VPS13B: variants seen among roughly 807,000 people sequenced by gnomAD.
The protein encoded by VPS13B is intermembrane lipid transfer protein VPS13B.
VPS13B carries 285 observed loss-of-function variants against 426.4 expected under a neutral mutation model. The ratio of observed to expected loss-of-function variants is 0.67; its 90% CI spans 0.61 to 0.74. The LOEUF (loss-of-function observed/expected upper bound fraction) is 0.74, where lower values mean the gene tolerates loss of function less well. Ranked by LOEUF, VPS13B falls within the 30% of genes least tolerant of loss-of-function variation. The pLI is 0.00. For synonymous variants in VPS13B, 1,676 were observed against 1,676.4 expected (o/e 1.00, Z 0.01); for missense variants, 4,537 against 4,782.6 (o/e 0.95, Z 1.51).
At chr8:99,599,257 G>A (rs542934004) in intron 33 of VPS13B, among the ~76,000 whole-genome samples, 5 of 151,852 alleles carry the variant, frequency 3.3e-5, no homozygotes, top group East Asian at 1.9e-4. Context: ...CTGTCTCCCC[G>A]GGCCTCTCCC....
At chr8:99,109,773 T>C (rs184959925) in intron 5 of VPS13B, among the ~76,000 whole-genome samples, 1 of 152,208 alleles carries the variant, frequency 6.6e-6, no homozygotes, top group African/African-American at 2.4e-5. Flanking sequence ...CTTTATAAAC[T>C]GTATAACAAT....
At chr8:99,634,545 T>A (rs1269579335) in intron 33 of VPS13B, among the ~76,000 whole-genome samples, 1 of 152,072 alleles carries the variant, frequency 6.6e-6, no homozygotes, top group Admixed American at 6.6e-5. Flanking sequence ...TTCTGCTCTT[T>A]TGCATAATTA....
At chr8:99,748,722 T>C (rs1219106362) in intron 39 of VPS13B, among the ~76,000 whole-genome samples, 4 of 152,054 alleles carry the variant, frequency 2.6e-5, no homozygotes, top group Non-Finnish European at 4.4e-5. Flanking sequence ...AGTGTTGAAG[T>C]GGTCATTTAA....
At chr8:99,386,055 G>A (rs1335317884) in intron 20 of VPS13B, among the ~76,000 whole-genome samples, 1 of 152,158 alleles carries the variant, frequency 6.6e-6, no homozygotes, top group African/African-American at 2.4e-5. Flanking sequence ...GTTTACTCTA[G>A]CAGAATATAG....
In VPS13B at chr8:99,013,902, C is replaced by T. The variant is rs768496696; in HGVS notation, c.114C>T (p.Ser38=). ...TATGGGGTGGAGACGTGGTACTCAGCAAGCTCGAGTTAAAGTTGGATGTGC... is the reference window on the plus strand; with the variant it reads ...TATGGGGTGGAGACGTGGTACTCAGTAAGCTCGAGTTAAAGTTGGATGTGC... The part of the protein sequence containing the change: ...LSLWGGDVVL[S]KLELKLDVLE... The change falls in exon 2 of 62, where the codon AGC becomes AGT. Residue 38 remains serine, a synonymous_variant. Transcript: ENST00000357162. 2.5e-6 allele frequency: 4 copies of T among 1,614,128 alleles called. No individual in the cohort carries two copies. The highest frequency in any genetic ancestry group is 3.4e-6 in the Non-Finnish European group (4 of 1,180,032).
rs1246449934 is a variant in VPS13B, at chr8:99,136,646, T to C, written c.1564-19T>C. The C allele has an allele frequency of 1.2e-6, 2 of 1,613,160 alleles. No homozygotes were observed. The highest frequency in any genetic ancestry group is 1.7e-5 in the Admixed American group (1 of 60,022). On this transcript the variant is annotated intron_variant, in intron 11 of 61. Transcript: ENST00000357162. The stretch of plus-strand genomic sequence containing the variant: ...TCTTTTATACAATGTTTATTCTGTT[T>C]GCATTGCTTTGTTGGCAGGAGACAT...
intron 15 of VPS13B, among the ~76,000 whole-genome samples, chr8:99,162,729 TA>T (rs1188741870): frequency 6.6e-6 from 1 of 152,178 alleles, no homozygotes; most frequent in Non-Finnish European, 1.5e-5. Context: ...TTACAGCTCA[TA>T]AAAGCAGCGT....
chr8:99,661,747 A>G (rs1438085306), intron 35 of VPS13B, among the ~76,000 whole-genome samples: 1 of 152,102 alleles, frequency 6.6e-6, no homozygotes, highest in African/African-American at 2.4e-5. Flanking sequence ...AAGCCCCAAT[A>G]TTTTATTTCT....
rs561344809 is a variant in VPS13B at position 99,241,158 on chromosome 8, A to C, written c.2516-33040A>C. 3 of 152,344 alleles carry C rather than the reference A, an allele frequency of 2.0e-5. No individual in the cohort carries two copies. In the East Asian group the frequency reaches 5.8e-4, roughly 29 times the overall value. 9.4% of individuals were successfully genotyped at this position (152,344 alleles called of 1,614,324 possible). ...ACCAAATAAAGTCTAATCTTTTTAT[A>C]TGTACTTTGTGTCAAAGTTATGAAG... On this transcript the variant is annotated intron_variant, in intron 17 of 61. Transcript: ENST00000357162.
chr8:99,202,456 T>G (rs149988566), intron 17 of VPS13B, among the ~76,000 whole-genome samples: 111 of 152,230 alleles, frequency 7.3e-4, no homozygotes, highest in African/African-American at 2.5e-3. Context: ...CTAGAAGAAA[T>G]GGGTAAATTC....
intron 19 of VPS13B, among the ~76,000 whole-genome samples, chr8:99,365,972 T>TG (rs1491585320): frequency 7.0e-6 from 1 of 143,076 alleles, no homozygotes; most frequent in Non-Finnish European, 1.5e-5. Context: ...TTTTTTGTTG[T>TG]TTTTTTTTTT....
chr8:99,050,237 A>G (rs1250737928), intron 3 of VPS13B, among the ~76,000 whole-genome samples: 1 of 150,498 alleles, frequency 6.6e-6, no homozygotes, highest in Non-Finnish European at 1.5e-5. Flanking sequence ...TCCTGTGTCT[A>G]TGTGTGCTCA....
intron 30 of VPS13B, among the ~76,000 whole-genome samples, chr8:99,527,278 C>T (rs1438064825): frequency 6.6e-6 from 1 of 152,014 alleles, no homozygotes; most frequent in Non-Finnish European, 1.5e-5. Flanking sequence ...TGTTAACTAA[C>T]ACCTTATATG....
chr8:99,103,128 A>G lies in VPS13B; in HGVS notation c.580+8A>G, dbSNP rs1169509171. 1 of 1,613,582 alleles carries G rather than the reference A, an allele frequency of 6.2e-7. No individual in the cohort carries two copies. Among genetic ancestry groups the G allele is most frequent in the Non-Finnish European group, 8.5e-7 (1 of 1,179,606 alleles). On this transcript the variant is annotated splice_region_variant and intron_variant, in intron 5 of 61. Transcript: ENST00000357162. Reference sequence around the variant, plus strand: ...CATTCATGGATATTTCTGGTGAGTAAATATGGAGAATACCGTATATTTTTC... The same window carrying G: ...CATTCATGGATATTTCTGGTGAGTAGATATGGAGAATACCGTATATTTTTC...
chr8:99,482,763 A>G (rs1297280784), intron 25 of VPS13B, among the ~76,000 whole-genome samples: 3 of 152,162 alleles, frequency 2.0e-5, no homozygotes, highest in Non-Finnish European at 4.4e-5. Context: ...CATTTTATAA[A>G]CAGGATTTTT....
At chr8:99,588,508 A>G (rs1826429038) in intron 33 of VPS13B, among the ~76,000 whole-genome samples, 1 of 151,558 alleles carries the variant, frequency 6.6e-6, no homozygotes, top group African/African-American at 2.4e-5. Flanking sequence ...AGTGGTTTGT[A>G]GTTCTGCTTG....
At chr8:99,658,955 A>G (rs1017266323) in intron 34 of VPS13B, among the ~76,000 whole-genome samples, 4 of 152,116 alleles carry the variant, frequency 2.6e-5, no homozygotes, top group Admixed American at 1.3e-4. Context: ...AGCTGCTACT[A>G]TGGGGACTAC....
intron 33 of VPS13B, among the ~76,000 whole-genome samples, chr8:99,582,409 A>G (rs1390476425): frequency 6.6e-6 from 1 of 152,162 alleles, no homozygotes; most frequent in Non-Finnish European, 1.5e-5. Context: ...ATGGCCTATC[A>G]TATCTTGATT....
At chr8:99,236,852 C>T (rs995823477) in intron 17 of VPS13B, among the ~76,000 whole-genome samples, 12 of 152,268 alleles carry the variant, frequency 7.9e-5, no homozygotes, top group Admixed American at 7.2e-4. Context: ...TGGTAGTTAT[C>T]TTAGATATAA....
Sources: allele counts gnomAD v4.1 joint callset (sites outside exome capture counted in the v4.1 genomes callset), GRCh38; gene constraint gnomAD v4.1.1; transcripts MANE v1.5; gene names NCBI Gene and HGNC (gene_info 2026-07-23, HGNC 2026-07-21).